TOB2: variants seen among roughly 807,000 people sequenced by gnomAD.
TOB2 encodes the protein protein Tob2.
Under a neutral mutation model 17.3 loss-of-function variants are expected in TOB2, and 3 were observed. That is an observed-to-expected ratio of 0.17 (90% CI 0.08 to 0.45). The LOEUF (loss-of-function observed/expected upper bound fraction) is 0.45. TOB2 is among the 20% of genes least tolerant of loss of function. The pLI is 0.99. For synonymous variants in TOB2, 163 were observed against 185.6 expected (o/e 0.88, Z 0.99); for missense variants, 407 against 445.7 (o/e 0.91, Z 0.78).
chr22:41,445,943 C>T (rs1421395841), intron 1 of TOB2, among the ~76,000 whole-genome samples: 1 of 152,196 alleles, frequency 6.6e-6, no homozygotes, highest in African/African-American at 2.4e-5. Context: ...ATTACCACCC[C>T]CCTTCCCTGC....
At chr22:41,444,117 G>C (rs759586777) in intron 1 of TOB2, among the ~76,000 whole-genome samples, 1 of 152,310 alleles carries the variant, frequency 6.6e-6, no homozygotes, top group South Asian at 2.1e-4. Flanking sequence ...CAGACCGGGT[G>C]GATGCGAGTG....
In TOB2 at chr22:41,436,771, T is replaced by C; in HGVS notation, c.575A>G (p.Lys192Arg). 6.2e-7 allele frequency: 1 copy of C among 1,613,896 alleles called. No homozygotes were observed. ...AATKFGSTKM[K>R]KGGGAASGGG... ...ACCACTTGCTGCCCCGCCCCCCTTC[T>C]TCATCTTAGTGGAGCCAAATTTGGT... Residue 192 changes from lysine (K) to arginine (R), a missense_variant, in exon 2 of 2, where the codon AAG becomes AGG. Coordinates refer to ENST00000327492, the MANE Select transcript of TOB2 (RefSeq NM_016272.4). This position sits in a 1 kb window ranked among gnomAD's most constrained non-coding sequence, Gnocchi z 4.8.
chr22:41,441,869 C>T (rs1187227300), intron 1 of TOB2, among the ~76,000 whole-genome samples: 2 of 151,320 alleles, frequency 1.3e-5, no homozygotes, highest in East Asian at 3.9e-4. Context: ...CAAGATTGCG[C>T]CACTGCACTC....
At chr22:41,443,807 G>A (rs1438522249) in intron 1 of TOB2, among the ~76,000 whole-genome samples, 4 of 151,832 alleles carry the variant, frequency 2.6e-5, no homozygotes, top group African/African-American at 9.7e-5. Context: ...ATTTTTAGCA[G>A]AGACGGGGTT....
rs937157142 is a variant in TOB2 at position 41,436,226 on chromosome 22, C to T, written c.*85G>A. On this transcript the variant is annotated 3_prime_UTR_variant, in exon 2 of 2. Transcript: ENST00000327492. This position sits in a 1 kb window ranked among gnomAD's most constrained non-coding sequence, Gnocchi z 4.8. Reference sequence around the variant, plus strand: ...TGAGAAGATCGAAAATCTTTTTGTACATTTTTCTTTTCCTCTTTTTTTTGG... The same window carrying T: ...TGAGAAGATCGAAAATCTTTTTGTATATTTTTCTTTTCCTCTTTTTTTTGG... 1.2e-5 allele frequency: 17 copies of T among 1,453,516 alleles called. No individual in the cohort carries two copies. The highest frequency in any genetic ancestry group is 1.5e-5 in the South Asian group (1 of 67,288). The allele number at this position is 1,453,516 out of a possible 1,614,324, so 90.0% of individuals were successfully genotyped here. A position where few individuals can be genotyped will look rare whatever the true frequency, so the allele number is the denominator to read the frequency against.
At chr22:41,443,172 C>T (rs921802859) in intron 1 of TOB2, among the ~76,000 whole-genome samples, 2 of 151,970 alleles carry the variant, frequency 1.3e-5, no homozygotes, top group African/African-American at 2.4e-5. Context: ...AGAAAGACGA[C>T]GGGGGAAGAA....
chr22:41,444,692 A>C (rs1343110981), intron 1 of TOB2, among the ~76,000 whole-genome samples: 3 of 152,192 alleles, frequency 2.0e-5, no homozygotes, highest in Non-Finnish European at 4.4e-5. Context: ...AATACATTTC[A>C]TGTAGATTCT....
chr22:41,441,676 G>A (rs1428111898), intron 1 of TOB2, among the ~76,000 whole-genome samples: 2 of 152,130 alleles, frequency 1.3e-5, no homozygotes, highest in Non-Finnish European at 2.9e-5. Context: ...CACTTTGCGA[G>A]GCTGAGGCGG....
chr22:41,442,438 A>G (rs2037630516), intron 1 of TOB2, among the ~76,000 whole-genome samples: 1 of 152,180 alleles, frequency 6.6e-6, no homozygotes, highest in Admixed American at 6.5e-5. Context: ...CCAAAATACA[A>G]TAGAACCACT....
At position 41,440,284 on chromosome 22, in the gene TOB2, AT is replaced by A. The variant is rs565964403; in HGVS notation, c.-62-2878del. Among the ~76,000 whole-genome samples the A allele has an allele frequency of 4.1e-3, 566 of 137,598 alleles. 2 individuals are homozygous for A. Among genetic ancestry groups the A allele is most frequent in the African/African-American group, 0.011 (397 of 37,602 alleles). 90.3% of individuals were successfully genotyped at this position (137,598 alleles called of 152,430 possible). On this transcript the variant is annotated intron_variant, in intron 1 of 1. Coordinates refer to ENST00000327492, the MANE Select transcript of TOB2 (RefSeq NM_016272.4). Reference sequence around the variant, plus strand: ...AGGCGTGCACCACCACTCCTGGCTAATTTTTTTTTTTTTCAGTAGAGACGGG... The same window carrying A: ...AGGCGTGCACCACCACTCCTGGCTAATTTTTTTTTTTTCAGTAGAGACGGG...
Position 41,437,283 on chromosome 22 carries a change from G to C in TOB2, c.63C>G (p.Pro21=). The change falls in exon 2 of 2, where the codon CCC becomes CCG. Residue 21 remains proline (P), a synonymous_variant. Transcript: ENST00000327492. Reference sequence around the variant, plus strand: ...CCCCAAACAGGTCTGCCCGGCGCCGGGGCAGCTTGTTGTACAAGTAGGAGA... The same window carrying C: ...CCCCAAACAGGTCTGCCCGGCGCCGCGGCAGCTTGTTGTACAAGTAGGAGA... ...FIISYLYNKL[P]RRRADLFGEE... 1 of 1,614,098 alleles carries C rather than the reference G, an allele frequency of 6.2e-7. No individual in the cohort carries two copies. The highest frequency in any genetic ancestry group is 8.5e-7 in the Non-Finnish European group (1 of 1,180,040).
At position 41,446,706 on chromosome 22, in the gene TOB2, G is replaced by C. The variant is rs1601855879; in HGVS notation, c.-390C>G. 6.6e-6 allele frequency: 1 copy of C among 151,198 alleles called. No homozygotes were observed. Among genetic ancestry groups the C allele is most frequent in the South Asian group, 2.1e-4 (1 of 4,844 alleles). 9.4% of individuals were successfully genotyped at this position (151,198 alleles called of 1,614,324 possible). A position where few individuals can be genotyped will look rare whatever the true frequency, so the allele number is the denominator to read the frequency against. On this transcript the variant is annotated 5_prime_UTR_variant, in exon 1 of 2. Coordinates refer to ENST00000327492, the MANE Select transcript of TOB2 (RefSeq NM_016272.4). ...ACGGCAGACGGTATGGGCTGTCGCC[G>C]GCAGACGGTCCTGCCCTCCTGGCCC...
rs1412445389 is a variant in TOB2, at chr22:41,436,361, T to C, written c.985A>G (p.Thr329Ala). The C allele has an allele frequency of 6.2e-7, 1 of 1,609,108 alleles. No individual in the cohort carries two copies. The highest frequency in any genetic ancestry group is 1.3e-5 in the African/African-American group (1 of 74,864). ...FVEGLSYNLN[T>A]MQYPSQQFQP... Reference sequence around the variant, plus strand: ...AACTGCTGGCTGGGATACTGCATGGTGTTCAGGTTGTAGCTGAGGCCTTCC... The same window carrying C: ...AACTGCTGGCTGGGATACTGCATGGCGTTCAGGTTGTAGCTGAGGCCTTCC... Residue 329 changes from threonine to alanine, a missense_variant, in exon 2 of 2, where the codon ACC (threonine) becomes GCC (alanine). Transcript: ENST00000327492. The surrounding 1 kb of genome is among the most constrained non-coding windows in gnomAD (Gnocchi z 4.8).
intron 1 of TOB2, among the ~76,000 whole-genome samples, chr22:41,441,867 C>T (rs1245508466): frequency 2.0e-5 from 3 of 149,984 alleles, no homozygotes; most frequent in African/African-American, 4.9e-5. Context: ...GCCAAGATTG[C>T]GCCACTGCAC....
At chr22:41,442,855 C>A (rs552983863) in intron 1 of TOB2, among the ~76,000 whole-genome samples, 88 of 152,230 alleles carry the variant, frequency 5.8e-4, no homozygotes, top group South Asian at 3.1e-3. Context: ...TTAGAAATAA[C>A]TACCTGTCAA....
At chr22:41,445,938 C>T (rs188728341) in intron 1 of TOB2, among the ~76,000 whole-genome samples, 2 of 152,284 alleles carry the variant, frequency 1.3e-5, no homozygotes, top group East Asian at 3.9e-4. Context: ...TAACAATTAC[C>T]ACCCCCCTTC....
chr22:41,437,426 C>G lies in TOB2; in HGVS notation c.-62-19G>C. On this transcript the variant is annotated intron_variant, in intron 1 of 1. Coordinates refer to ENST00000327492, the MANE Select transcript of TOB2 (RefSeq NM_016272.4). ...GGCGGCTCTGGGAAATGAGAGGCAC[C>G]GTGAGAAAATATGCAGAAAGCTGGT... 1 of 1,519,168 alleles carries G rather than the reference C, an allele frequency of 6.6e-7. No individual in the cohort carries two copies. Among genetic ancestry groups the G allele is most frequent in the Admixed American group, 2.2e-5 (1 of 44,936 alleles). 94.1% of individuals were successfully genotyped at this position (1,519,168 alleles called of 1,614,324 possible). A position where few individuals can be genotyped will look rare whatever the true frequency, so the allele number is the denominator to read the frequency against.
At chr22:41,439,547 G>A (rs1349551476) in intron 1 of TOB2, among the ~76,000 whole-genome samples, 1 of 151,748 alleles carries the variant, frequency 6.6e-6, no homozygotes, top group East Asian at 1.9e-4. Context: ...ACTGAGTCTC[G>A]TTCTATCGCC....
rs2037550262 is a variant in TOB2, at chr22:41,436,535, A to G, written c.811T>C (p.Phe271Leu). The change falls in exon 2 of 2, where the codon TTC becomes CTC. Residue 271 changes from phenylalanine (F) to leucine (L), a missense_variant. Phe to Leu is a conservative substitution (Grantham distance 22, BLOSUM62 0). Coordinates refer to ENST00000327492, the MANE Select transcript of TOB2 (RefSeq NM_016272.4). The surrounding 1 kb of genome is among the most constrained non-coding windows in gnomAD (Gnocchi z 4.8). ...CCCTGGCCATCGGCCGCATCAAAGAAGAGGCTGGGTGAGCCACCACCGTTG... is the reference window on the plus strand; with the variant it reads ...CCCTGGCCATCGGCCGCATCAAAGAGGAGGCTGGGTGAGCCACCACCGTTG... ...VYNGGGSPSL[F>L]FDAADGQGSG... 2 of 1,611,202 alleles carry G rather than the reference A, an allele frequency of 1.2e-6. No homozygotes were observed. Among genetic ancestry groups the G allele is most frequent in the Non-Finnish European group, 1.7e-6 (2 of 1,178,608 alleles).
Sources: allele counts gnomAD v4.1 joint callset (sites outside exome capture counted in the v4.1 genomes callset), GRCh38; gene constraint gnomAD v4.1.1; non-coding constraint Gnocchi (gnomAD v3.1); transcripts MANE v1.5; gene names NCBI Gene and HGNC (gene_info 2026-07-23, HGNC 2026-07-21).